Variants in FOXN3 observed in about 807,000 individuals in gnomAD.
FOXN3 encodes the protein forkhead box N3.
In FOXN3, 7 loss-of-function variants were observed where a neutral mutation model predicts 38.4. That is an observed-to-expected ratio of 0.18 (90% CI 0.10 to 0.34). The LOEUF (loss-of-function observed/expected upper bound fraction) is 0.34, where lower values mean the gene tolerates loss of function less well. FOXN3 is among the 10% of genes least tolerant of loss of function. The pLI is 1.00. For missense variants in FOXN3, 456 were observed against 613.4 expected (o/e 0.74, Z 2.71); for synonymous variants, 230 against 242.2 (o/e 0.95, Z 0.47).
At chr14:89,524,212 A>C (rs1362862737) in intron 1 of FOXN3, among the ~76,000 whole-genome samples, 4 of 147,666 alleles carry the variant, frequency 2.7e-5, no homozygotes, top group Non-Finnish European at 4.5e-5. Context: ...CTCTCTACTA[A>C]AAATACAAAA....
intron 1 of FOXN3, among the ~76,000 whole-genome samples, chr14:89,469,151 G>A (rs184588061): frequency 3.2e-4 from 49 of 152,316 alleles, no homozygotes; most frequent in African/African-American, 1.2e-3. Context: ...AGACCCAGGG[G>A]TCCCCTAACT....
Position 89,273,726 on chromosome 14 carries a change from A to G in FOXN3, c.745+7224T>C, listed in dbSNP as rs137868295. On this transcript the variant is annotated intron_variant, in intron 4 of 5. Transcript: ENST00000557258. ...GAGCTGCAGACCAGCAGCCCTGTAA[A>G]TTCACCGCTGATTGTAAGCAAAAGC... Among the ~76,000 whole-genome samples, 1,497 of 152,354 alleles carry G rather than the reference A, an allele frequency of 9.8e-3. 18 individuals carry two copies. The highest frequency in any genetic ancestry group is 0.013 in the Non-Finnish European group (888 of 68,034).
At chr14:89,198,448 C>G (rs919126274) in intron 4 of FOXN3, among the ~76,000 whole-genome samples, 1 of 152,076 alleles carries the variant, frequency 6.6e-6, no homozygotes, top group African/African-American at 2.4e-5. Flanking sequence ...CTTTTAGGGC[C>G]AAAGGGATAA....
intron 1 of FOXN3, among the ~76,000 whole-genome samples, chr14:89,504,815 C>T (rs930349867): frequency 1.3e-5 from 2 of 152,204 alleles, no homozygotes; most frequent in African/African-American, 4.8e-5. Flanking sequence ...GCAACCACGG[C>T]CCACAGGACC....
chr14:89,389,309 A>C (rs917675914), intron 2 of FOXN3, among the ~76,000 whole-genome samples: 1 of 151,140 alleles, frequency 6.6e-6, no homozygotes, highest in African/African-American at 2.5e-5. Flanking sequence ...CTTAAAACAA[A>C]AAAAAAAGAA....
At chr14:89,551,177 CAA>C (rs1894998775) in intron 1 of FOXN3, among the ~76,000 whole-genome samples, 1 of 152,142 alleles carries the variant, frequency 6.6e-6, no homozygotes, top group Non-Finnish European at 1.5e-5. Context: ...CAGCAGAAGG[CAA>C]AAGAGCTGAC....
At chr14:89,505,188 T>C (rs190156283) in intron 1 of FOXN3, among the ~76,000 whole-genome samples, 1 of 152,290 alleles carries the variant, frequency 6.6e-6, no homozygotes, top group Admixed American at 6.5e-5. Context: ...TGTTGTTGTA[T>C]AGTTCTTTGC....
At chr14:89,180,833 C>A (rs2139795860) in intron 4 of FOXN3, 27 bp from the exon 5 acceptor site, 2 of 1,561,376 alleles carry the variant, frequency 1.3e-6, no homozygotes, top group Non-Finnish European at 1.8e-6. Context: ...GAGAAAGACA[C>A]CGCACGTGAA....
intron 1 of FOXN3, among the ~76,000 whole-genome samples, chr14:89,533,420 T>C (rs1330010795): frequency 1.3e-5 from 2 of 152,076 alleles, no homozygotes; most frequent in East Asian, 3.9e-4. Flanking sequence ...TCCTAGCACT[T>C]TGGGAGACCC....
intron 1 of FOXN3, among the ~76,000 whole-genome samples, chr14:89,603,004 C>G (rs1566714949): frequency 6.6e-6 from 1 of 152,040 alleles, no homozygotes; most frequent in Non-Finnish European, 1.5e-5. Context: ...AGAGATGGAC[C>G]AGCTGTTCAT....
At position 89,160,672 on chromosome 14, in the gene FOXN3, A is replaced by T. The variant is rs1596072866; in HGVS notation, c.*1742T>A. ...ATTGCGTCATGTTAAACATGTACAG[A>T]CAGAGAGAAAGGACACACTTTTCAA... is the stretch of plus-strand genomic sequence containing the variant. On this transcript the variant is annotated 3_prime_UTR_variant, in exon 6 of 6. Transcript: ENST00000557258. 6.5e-6 allele frequency: 1 copy of T among 152,726 alleles called. No individual in the cohort carries two copies. The highest frequency in any genetic ancestry group is 2.1e-4 in the South Asian group (1 of 4,830). The allele number at this position is 152,726 out of a possible 1,614,324, so 9.5% of individuals were successfully genotyped here.
chr14:89,220,374 G>C (rs1439999276), intron 4 of FOXN3, among the ~76,000 whole-genome samples: 1 of 152,212 alleles, frequency 6.6e-6, no homozygotes, highest in Non-Finnish European at 1.5e-5. Context: ...AAATGAGCTG[G>C]TGTGTAGAAA....
intron 3 of FOXN3, among the ~76,000 whole-genome samples, chr14:89,295,760 G>C (rs1887016375): frequency 7.5e-6 from 1 of 133,070 alleles, no homozygotes; most frequent in South Asian, 2.3e-4. Context: ...GCTAATTTTT[G>C]CATTTTTTTT....
intron 3 of FOXN3, among the ~76,000 whole-genome samples, chr14:89,288,908 G>A (rs987306849): frequency 2.0e-5 from 3 of 151,546 alleles, no homozygotes; most frequent in East Asian, 1.9e-4. Context: ...ACATGGGGCC[G>A]GGTGTGGTGG....
At chr14:89,292,753 T>C (rs1026261106) in intron 3 of FOXN3, among the ~76,000 whole-genome samples, 1 of 152,142 alleles carries the variant, frequency 6.6e-6, no homozygotes, top group Admixed American at 6.5e-5. Flanking sequence ...ATCTATTGTT[T>C]GTAAATTACC....
intron 4 of FOXN3, among the ~76,000 whole-genome samples, chr14:89,205,150 T>TA (rs1888347090): frequency 6.6e-6 from 1 of 150,662 alleles, no homozygotes; most frequent in African/African-American, 2.5e-5. Context: ...TGTGTTTGAT[T>TA]TAAAAAAAAA....
intron 4 of FOXN3, among the ~76,000 whole-genome samples, chr14:89,254,664 C>T (rs1885563161): frequency 6.6e-6 from 1 of 152,284 alleles, no homozygotes; most frequent in East Asian, 1.9e-4. Flanking sequence ...CATCTGTGTA[C>T]CAGTGTGCTG....
intron 2 of FOXN3, among the ~76,000 whole-genome samples, chr14:89,390,293 T>TTCTC (rs71130070): frequency 2.2e-4 from 31 of 139,944 alleles, no homozygotes; most frequent in East Asian, 4.0e-4. Flanking sequence ...CTCGTTCTCT[T>TTCTC]TCTCTCTCTC....
chr14:89,350,586 C>A, intron 3 of FOXN3, 86 bp downstream of exon 3: 1 of 1,152,926 alleles, frequency 8.7e-7, no homozygotes. Context: ...AAATCTCGTA[C>A]GGCCTATTAA....
Sources: gnomAD v4.1 joint callset for allele counts (sites outside exome capture counted in the v4.1 genomes callset) on GRCh38, gnomAD v4.1.1 for gene constraint, MANE v1.5 for transcripts, NCBI Gene and HGNC (gene_info 2026-07-23, HGNC 2026-07-21) for gene names.